The following STARD9 variants were observed in gnomAD, a reference collection of about 807,000 sequenced individuals.
The protein encoded by STARD9 is StAR related lipid transfer domain containing 9.
Under a neutral mutation model 399.8 loss-of-function variants are expected in STARD9, and 346 were observed. That is an observed-to-expected ratio of 0.87 (90% CI 0.79 to 0.95). The LOEUF (loss-of-function observed/expected upper bound fraction) is 0.95, where lower values mean the gene tolerates loss of function less well. STARD9 is among the 40% of genes least tolerant of loss of function. The pLI, the probability that STARD9 is intolerant of heterozygous loss-of-function variation, is 0.00. For synonymous variants in STARD9, 2,203 were observed against 2,143.5 expected (o/e 1.03, Z -0.77); for missense variants, 5,832 against 5,667.5 (o/e 1.03, Z -0.93).
Position 42,718,829 on chromosome 15 carries a change from G to A in STARD9, c.13920G>A (p.Gly4640=). The A allele has an allele frequency of 2.6e-6, 4 of 1,537,232 alleles. No individual in the cohort carries two copies. The highest frequency in any genetic ancestry group is 3.5e-6 in the Non-Finnish European group (4 of 1,146,900). Residue 4640 remains glycine, a synonymous_variant, in exon 32 of 33, where the codon GGG becomes GGA. Coordinates refer to ENST00000290607, the MANE Select transcript of STARD9 (RefSeq NM_020759.3). Reference sequence around the variant, plus strand: ...GACCCAGCAGAAAAATGGTTCGCGGGGAGATCCTGCCCAGTGCCTGGATCT... The same window carrying A: ...GACCCAGCAGAAAAATGGTTCGCGGAGAGATCCTGCCCAGTGCCTGGATCT... ...MPRPSRKMVR[G]EILPSAWILQ...
chr15:42,663,883 C>T lies in STARD9; in HGVS notation c.1142C>T (p.Ala381Val). ...AGCACACTGAGATATGCATCCAGTG[C>T]CAAAAACATTATCAACAAGCCACGA... ...TMSTLRYASS[A>V]KNIINKPRVN... The change falls in exon 13 of 33, where the codon GCC (alanine) becomes GTC (valine). Residue 381 changes from alanine to valine, a missense_variant. Physicochemically the swap from Ala to Val is moderately conservative, Grantham distance 64. Transcript: ENST00000290607. 2.6e-6 allele frequency: 4 copies of T among 1,536,786 alleles called. No homozygotes were observed. The highest frequency in any genetic ancestry group is 3.5e-6 in the Non-Finnish European group (4 of 1,146,506).
At chr15:42,641,008 G>A (rs1290278212) in intron 7 of STARD9, among the ~76,000 whole-genome samples, 3 of 152,104 alleles carry the variant, frequency 2.0e-5, no homozygotes, top group African/African-American at 4.8e-5. Flanking sequence ...CATTGCATTG[G>A]AAGAGAAGAA....
chr15:42,705,795 C>T (rs539982519), intron 26 of STARD9, among the ~76,000 whole-genome samples: 11 of 152,074 alleles, frequency 7.2e-5, no homozygotes, highest in South Asian at 6.2e-4. Context: ...CTCTCTCACT[C>T]GGGCTGGAGT....
chr15:42,687,614 T>G lies in STARD9; in HGVS notation c.6036T>G (p.Pro2012=). Reference sequence around the variant, plus strand: ...AAAGGTTCCAGTTAGTTGCATGCCCTCAGGAAAGAAACCCCAGTGAATGCA... The same window carrying G: ...AAAGGTTCCAGTTAGTTGCATGCCCGCAGGAAAGAAACCCCAGTGAATGCA... ...AYERFQLVAC[P]QERNPSECKS... The change falls in exon 23 of 33, where the codon CCT becomes CCG. Residue 2012 remains proline (P), a synonymous_variant. Transcript: ENST00000290607. The G allele has an allele frequency of 1.3e-6, 2 of 1,537,026 alleles. No individual in the cohort carries two copies. Among genetic ancestry groups the G allele is most frequent in the Non-Finnish European group, 1.7e-6 (2 of 1,146,906 alleles).
At chr15:42,578,349 G>A (rs2058099277) in intron 1 of STARD9, among the ~76,000 whole-genome samples, 1 of 152,012 alleles carries the variant, frequency 6.6e-6, no homozygotes. Flanking sequence ...GACCTCACCT[G>A]CCATGGCCTC....
intron 7 of STARD9, among the ~76,000 whole-genome samples, chr15:42,643,626 T>C (rs1272311269): frequency 6.7e-6 from 1 of 149,334 alleles, no homozygotes; most frequent in Non-Finnish European, 1.5e-5. Flanking sequence ...CAGCTAGTCC[T>C]GACTAGCTGG....
At chr15:42,634,292 A>G (rs1313331705) in intron 3 of STARD9, among the ~76,000 whole-genome samples, 4 of 152,062 alleles carry the variant, frequency 2.6e-5, no homozygotes, top group African/African-American at 9.7e-5. Flanking sequence ...TCACATGAGG[A>G]CCTCTGCCTA....
At position 42,675,894 on chromosome 15, in the gene STARD9, G is replaced by A. The variant is rs755723383; in HGVS notation, c.1793G>A (p.Arg598His). 64 of 1,537,112 alleles carry A rather than the reference G, an allele frequency of 4.2e-5. No homozygotes were observed. Among genetic ancestry groups the A allele is most frequent in the South Asian group, 4.0e-4 (34 of 84,068 alleles). Residue 598 changes from arginine to histidine, a missense_variant, in exon 20 of 33, where the codon CGT becomes CAT. Coordinates refer to ENST00000290607, the MANE Select transcript of STARD9 (RefSeq NM_020759.3). ...RRQVGEAAAG[R>H]GSLEWLDLDG... ...AAGGTTGGAGAGGCTGCTGCTGGTCGTGGCTCGTTGGAGTGGCTGGATTTG... is the reference window on the plus strand; with the variant it reads ...AAGGTTGGAGAGGCTGCTGCTGGTCATGGCTCGTTGGAGTGGCTGGATTTG...
At chr15:42,718,337 AGTGATGGG>A in intron 30 of STARD9, 90 bp from the exon 31 acceptor site, 1 of 1,243,260 alleles carries the variant, frequency 8.0e-7, no homozygotes, top group Non-Finnish European at 1.1e-6. Flanking sequence ...CTAGGTGTCA[AGTGATGGG>A]GTGTTGGGGG....
chr15:42,674,482 C>G lies in STARD9; in HGVS notation c.1540C>G (p.Gln514Glu). The change falls in exon 17 of 33, where the codon CAG becomes GAG. Residue 514 changes from glutamine (Q) to glutamate (E), a missense_variant. Transcript: ENST00000290607. ...AGGAAGGATTGACTCAGACCAGGAA[C>G]AGGACATTGGTAAGTGGCAGAGTAT... ...KIGRIDSDQE[Q>E]DIVLQGQWIE... 16 of 1,537,086 alleles carry G rather than the reference C, an allele frequency of 1.0e-5. No individual in the cohort carries two copies. Among genetic ancestry groups the G allele is most frequent in the Non-Finnish European group, 1.4e-5 (16 of 1,146,788 alleles).
intron 14 of STARD9, among the ~76,000 whole-genome samples, 185 bp downstream of exon 14, chr15:42,665,515 G>C (rs1421925283): frequency 6.6e-6 from 1 of 152,152 alleles, no homozygotes; most frequent in Non-Finnish European, 1.5e-5. Flanking sequence ...GATGGTGTGG[G>C]CATTTTTTCA....
chr15:42,619,772 G>T (rs2059049510), intron 3 of STARD9, among the ~76,000 whole-genome samples: 1 of 152,150 alleles, frequency 6.6e-6, no homozygotes, highest in African/African-American at 2.4e-5. Context: ...ACCTCCTGCT[G>T]TGTGGCCTGG....
rs1215537286 is a variant in STARD9 at position 42,690,294 on chromosome 15, A to G, written c.8716A>G (p.Ser2906Gly). Residue 2906 changes from serine (S) to glycine (G), a missense_variant, in exon 23 of 33, where the codon AGC (serine) becomes GGC (glycine). By Grantham distance (56) the Ser-to-Gly change is moderately conservative (BLOSUM62 0). Transcript: ENST00000290607. ...AATTCCACTGCCAGATCAAAGACCA[A>G]GCGCAAATCCTGGGGGAATTGGGGA... is the stretch of plus-strand genomic sequence containing the variant. The part of the protein sequence containing the change: ...RPIPLPDQRP[S>G]ANPGGIGEEA... 3 of 1,537,332 alleles carry G rather than the reference A, an allele frequency of 2.0e-6. No individual in the cohort carries two copies. The South Asian group carries it at 3.6e-5, about 18-fold the overall frequency.
intron 3 of STARD9, among the ~76,000 whole-genome samples, chr15:42,626,712 G>T (rs189664187): frequency 1.3e-5 from 2 of 148,184 alleles, no homozygotes; most frequent in Non-Finnish European, 3.0e-5. Flanking sequence ...GGGTTTCACC[G>T]TGTTGGTCAG....
intron 7 of STARD9, among the ~76,000 whole-genome samples, chr15:42,646,907 C>T (rs1173155719): frequency 6.6e-6 from 1 of 152,150 alleles, no homozygotes; most frequent in African/African-American, 2.4e-5. Flanking sequence ...TTATTGGCCT[C>T]ATTTCAATAT....
rs1458802581 is a variant in STARD9 at position 42,694,636 on chromosome 15, C to T, written c.12873C>T (p.Asn4291=). The T allele has an allele frequency of 3.4e-5, 52 of 1,537,090 alleles. No individual in the cohort carries two copies. The highest frequency in any genetic ancestry group is 4.0e-5 in the Non-Finnish European group (46 of 1,146,892). Residue 4291 remains asparagine, a synonymous_variant, in exon 24 of 33, where the codon AAC becomes AAT. Coordinates refer to ENST00000290607, the MANE Select transcript of STARD9 (RefSeq NM_020759.3). ...SPQKQLSLLP[N]KDLFIWDLDL... is the part of the protein sequence containing the mutation. ...AGAAACAACTGAGCCTCCTGCCCAA[C>T]AAAGATCTCTTCATCTGGGATCTTG...
intron 26 of STARD9, among the ~76,000 whole-genome samples, chr15:42,709,520 A>G (rs1205355600): frequency 6.6e-6 from 1 of 152,138 alleles, no homozygotes; most frequent in African/African-American, 2.4e-5. Flanking sequence ...CCCCGTCTCC[A>G]CTAAAAATAC....
intron 22 of STARD9, 27 bp downstream of exon 22, chr15:42,682,602 G>A (rs765027653): frequency 2.0e-6 from 3 of 1,492,616 alleles, no homozygotes; most frequent in Admixed American, 2.2e-5. Flanking sequence ...TCACTGGGAA[G>A]CACTCGGTTA....
chr15:42,599,574 A>G (rs1316444422), intron 3 of STARD9, among the ~76,000 whole-genome samples: 1 of 152,180 alleles, frequency 6.6e-6, no homozygotes, highest in Non-Finnish European at 1.5e-5. Flanking sequence ...TTCTCATAGT[A>G]TCTTGTTACT....
Sources: allele counts gnomAD v4.1 joint callset (sites outside exome capture counted in the v4.1 genomes callset), GRCh38; gene constraint gnomAD v4.1.1; transcripts MANE v1.5; gene names NCBI Gene and HGNC (gene_info 2026-07-23, HGNC 2026-07-21).